Variants in UBE2F observed in about 807,000 individuals in gnomAD.
The protein encoded by UBE2F is NEDD8-conjugating enzyme UBE2F.
In UBE2F, 5 loss-of-function variants were observed where a neutral mutation model predicts 29.6. The observed-to-expected ratio is 0.17, with a 90% confidence interval of 0.09 to 0.36. UBE2F has a LOEUF of 0.36. UBE2F is among the 10% of genes least tolerant of loss of function. The pLI, the probability that UBE2F is intolerant of heterozygous loss-of-function variation, is 1.00. For missense variants in UBE2F, 141 were observed against 228.5 expected (o/e 0.62, Z 2.47); for synonymous variants, 66 against 81.8 (o/e 0.81, Z 1.04).
intron 2 of UBE2F, among the ~76,000 whole-genome samples, chr2:237,974,761 C>A (rs557213820): frequency 5.3e-5 from 8 of 152,172 alleles, no homozygotes; most frequent in African/African-American, 1.9e-4. Flanking sequence ...GTGATCCGCC[C>A]GCCTCGGCCT....
intron 5 of UBE2F, among the ~76,000 whole-genome samples, chr2:238,020,223 G>A (rs1009696351): frequency 2.6e-5 from 4 of 152,294 alleles, no homozygotes; most frequent in South Asian, 4.1e-4. Context: ...CACTATTTCC[G>A]GTGTGTAGCT....
At chr2:237,968,913 T>A in intron 1 of UBE2F, 1 of 873,666 alleles carries the variant, frequency 1.1e-6, no homozygotes, top group Non-Finnish European at 1.4e-6. Context: ...ACTGCAGGTA[T>A]TCAGCTAGCC....
At chr2:238,035,635 A>G in intron 8 of UBE2F, 1 of 432,598 alleles carries the variant, frequency 2.3e-6, no homozygotes. Flanking sequence ...CAAACTTTGT[A>G]GAACTACATG....
chr2:238,035,627 AACTTTGTAGAACT>A, intron 8 of UBE2F: 1 of 406,980 alleles, frequency 2.5e-6, no homozygotes, highest in South Asian at 4.9e-5. Context: ...ATCTTCACCA[AACTTTGTAGAACT>A]ACATGTCAAC....
chr2:238,009,563 C>T (rs2063972441), intron 4 of UBE2F, among the ~76,000 whole-genome samples: 1 of 152,178 alleles, frequency 6.6e-6, no homozygotes, highest in Admixed American at 6.6e-5. Context: ...TTCCCCGTAA[C>T]CGTCCATTTC....
At chr2:237,974,511 T>G (rs2063236585) in intron 2 of UBE2F, among the ~76,000 whole-genome samples, 2 of 116,632 alleles carry the variant, frequency 1.7e-5, no homozygotes, top group South Asian at 2.9e-4. Flanking sequence ...GTTTTTTTTT[T>G]TTTGTTTTTT....
chr2:238,025,958 C>T (rs900798021), intron 6 of UBE2F, among the ~76,000 whole-genome samples: 11 of 152,200 alleles, frequency 7.2e-5, no homozygotes, highest in South Asian at 2.1e-4. Context: ...ATGGGCAGAA[C>T]GTCAGGCATC....
At chr2:238,002,489 G>A (rs1046252798) in intron 4 of UBE2F, among the ~76,000 whole-genome samples, 4 of 151,872 alleles carry the variant, frequency 2.6e-5, no homozygotes, top group Admixed American at 6.6e-5. Context: ...TTCCTGCCTC[G>A]GCCTCCCAAA....
At chr2:237,968,465 G>A in intron 1 of UBE2F, among the ~76,000 whole-genome samples, 1 of 152,130 alleles carries the variant, frequency 6.6e-6, no homozygotes, top group Non-Finnish European at 1.5e-5. Context: ...CCCTTTGGCT[G>A]GGGAAGTTGA....
intron 5 of UBE2F, among the ~76,000 whole-genome samples, chr2:238,020,414 G>A (rs2064264918): frequency 1.3e-5 from 2 of 152,212 alleles, no homozygotes; most frequent in Non-Finnish European, 1.5e-5. Flanking sequence ...GGGTCAGTGA[G>A]AACGGATACA....
intron 7 of UBE2F, 50 bp downstream of exon 7, chr2:238,030,663 C>T (rs904686264): frequency 2.1e-6 from 3 of 1,440,412 alleles, no homozygotes; most frequent in South Asian, 1.2e-5. Flanking sequence ...GTGGTCCTCT[C>T]CCTGCAGTAG....
intron 4 of UBE2F, among the ~76,000 whole-genome samples, chr2:238,003,153 GATAA>G (rs2063831863): frequency 6.6e-6 from 1 of 151,144 alleles, no homozygotes; most frequent in Non-Finnish European, 1.5e-5. Context: ...TTAGTATGGA[GATAA>G]ACATTATAAG....
chr2:238,010,348 A>G (rs1359770588), intron 4 of UBE2F, among the ~76,000 whole-genome samples: 1 of 152,082 alleles, frequency 6.6e-6, no homozygotes, highest in Non-Finnish European at 1.5e-5. Context: ...TGATTTTTGT[A>G]TTCTTAGTAT....
intron 1 of UBE2F, among the ~76,000 whole-genome samples, chr2:237,968,579 C>T (rs184860560): frequency 6.6e-6 from 1 of 152,296 alleles, no homozygotes; most frequent in Admixed American, 6.5e-5. Flanking sequence ...AGCTGACTGG[C>T]CCCTGGTGTC....
chr2:238,015,476 G>A (rs931428950), intron 4 of UBE2F, among the ~76,000 whole-genome samples: 2 of 151,992 alleles, frequency 1.3e-5, no homozygotes, highest in African/African-American at 4.8e-5. Flanking sequence ...AAAGAGAACT[G>A]GTATTTCTCT....
At chr2:237,985,834 C>A (rs2063470609) in intron 2 of UBE2F, among the ~76,000 whole-genome samples, 1 of 152,152 alleles carries the variant, frequency 6.6e-6, no homozygotes, top group South Asian at 2.1e-4. Flanking sequence ...CAAGGGTTCT[C>A]TTTTTTCCAC....
At chr2:238,008,458 A>G (rs1474090987) in intron 4 of UBE2F, among the ~76,000 whole-genome samples, 1 of 152,226 alleles carries the variant, frequency 6.6e-6, no homozygotes, top group Non-Finnish European at 1.5e-5. Flanking sequence ...ATTTATTGAT[A>G]TAATGTTCTT....
chr2:237,998,260 A>G (rs2063727045), intron 4 of UBE2F, among the ~76,000 whole-genome samples: 1 of 152,196 alleles, frequency 6.6e-6, no homozygotes, highest in African/African-American at 2.4e-5. Context: ...AAAGATGAAA[A>G]ACATTTCCAT....
chr2:238,022,612 G>T (rs1445046921), intron 5 of UBE2F, among the ~76,000 whole-genome samples: 1 of 152,058 alleles, frequency 6.6e-6, no homozygotes, highest in Admixed American at 6.6e-5. Context: ...TTTTCTTCTA[G>T]TCCTATAATT....
Sources: allele counts gnomAD v4.1 joint callset (sites outside exome capture counted in the v4.1 genomes callset), GRCh38; gene constraint gnomAD v4.1.1; transcripts MANE v1.5; gene names NCBI Gene and HGNC (gene_info 2026-07-23, HGNC 2026-07-21).